The following KATNB1 variants were observed in gnomAD, a reference collection of about 807,000 sequenced individuals.
KATNB1 encodes the protein katanin regulatory subunit B1.
In KATNB1, 38 loss-of-function variants were observed where a neutral mutation model predicts 82.3. That is an observed-to-expected ratio of 0.46 (90% CI 0.36 to 0.61). The LOEUF (loss-of-function observed/expected upper bound fraction) is 0.61. KATNB1 is among the 20% of genes least tolerant of loss of function. KATNB1 has a pLI of 0.00. For missense variants in KATNB1, 749 were observed against 915.7 expected, an observed-to-expected ratio of 0.82 and a Z score of 2.35; for synonymous variants, 361 against 368.7, an observed-to-expected ratio of 0.98 and a Z score of 0.24.
chr16:57,743,377 G>A (rs1555580298), intron 3 of KATNB1, among the ~76,000 whole-genome samples: 2 of 152,200 alleles, frequency 1.3e-5, no homozygotes, highest in Admixed American at 1.3e-4. Flanking sequence ...GATCCAGGGG[G>A]AGAACTGAGA....
At chr16:57,753,879 C>G in intron 12 of KATNB1, 66 bp from the exon 13 acceptor site, 1 of 1,508,074 alleles carries the variant, frequency 6.6e-7, no homozygotes. Flanking sequence ...GCACTCTGGA[C>G]AGGGCCCTGG....
At chr16:57,748,471 A>G (rs115288037) in intron 4 of KATNB1, among the ~76,000 whole-genome samples, 1 of 141,026 alleles carries the variant, frequency 7.1e-6, no homozygotes, top group African/African-American at 2.7e-5. Context: ...ATTTTTTTAA[A>G]AAAAAAAAAA....
At position 57,754,932 on chromosome 16, in the gene KATNB1, G is replaced by A. The variant is rs782208957; in HGVS notation, c.1231G>A (p.Ala411Thr). 78 of 1,613,834 alleles carry A rather than the reference G, an allele frequency of 4.8e-5. No individual in the cohort carries two copies. The highest frequency in any genetic ancestry group is 6.6e-5 in the South Asian group (6 of 91,090). Reference protein sequence around the residue: ...EPFPAPPEDDAATAKEAAKPS... With the variant: ...EPFPAPPEDDTATAKEAAKPS... ...TCATCTTTTCCTTTTGCCTCCAGAC[G>A]CAGCCACAGCAAAGGAGGCAGCAAA... The change falls in exon 14 of 20, where the codon GCA becomes ACA. Residue 411 changes from alanine (A) to threonine (T), a missense_variant and splice_region_variant. Ala to Thr is a moderately conservative substitution (Grantham distance 58). This residue lies in a region of KATNB1 where 407 missense variants were observed against 434.7 expected (regional missense o/e 0.94). Transcript: ENST00000379661.
At position 57,742,720 on chromosome 16, in the gene KATNB1, C is replaced by A. The variant is rs139465865; in HGVS notation, c.171+903C>A. On this transcript the variant is annotated intron_variant, in intron 3 of 19. Coordinates refer to ENST00000379661, the MANE Select transcript of KATNB1 (RefSeq NM_005886.3). ...AATTAGCTTAGCCACACCCTGTTAT[C>A]AGCAGAGAGGTTGTTTCCGGCTTTT... Among the ~76,000 whole-genome samples the A allele has an allele frequency of 7.2e-5, 11 of 152,352 alleles. No homozygotes were observed. In the East Asian group the frequency reaches 2.1e-3, roughly 29 times the overall value.
chr16:57,753,098 A>G lies in KATNB1; in HGVS notation c.877A>G (p.Ser293Gly). ...DQLIGVAFSQ[S>G]NVSSYVVDLT... ...GCAGATAGGTGTGGCCTTCTCCCAGAGCAACGTCTCCTCCTACGTGGTGGA... is the reference window on the plus strand; with the variant it reads ...GCAGATAGGTGTGGCCTTCTCCCAGGGCAACGTCTCCTCCTACGTGGTGGA... The change falls in exon 11 of 20, where the codon AGC becomes GGC. Residue 293 changes from serine (S) to glycine (G), a missense_variant. Ser to Gly is a moderately conservative substitution (Grantham distance 56). This residue lies in a region of KATNB1 where 407 missense variants were observed against 434.7 expected (regional missense o/e 0.94). Coordinates refer to ENST00000379661, the MANE Select transcript of KATNB1 (RefSeq NM_005886.3). 6.2e-7 allele frequency: 1 copy of G among 1,605,506 alleles called. No individual in the cohort carries two copies. Among genetic ancestry groups the G allele is most frequent in the Non-Finnish European group, 8.5e-7 (1 of 1,175,724 alleles).
At chr16:57,741,242 G>A (rs983355443) in intron 2 of KATNB1, among the ~76,000 whole-genome samples, 2 of 152,166 alleles carry the variant, frequency 1.3e-5, no homozygotes, top group African/African-American at 4.8e-5. Flanking sequence ...AGGTGTGTAG[G>A]CAGTGCATGG....
intron 4 of KATNB1, among the ~76,000 whole-genome samples, chr16:57,745,195 CCA>C (rs2049174160): frequency 6.6e-6 from 1 of 152,182 alleles, no homozygotes; most frequent in African/African-American, 2.4e-5. Flanking sequence ...CATGGTCATA[CCA>C]CAGTTTCTTT....
intron 12 of KATNB1, 117 bp from the exon 13 acceptor site, chr16:57,753,828 C>G: frequency 2.1e-6 from 2 of 947,802 alleles, no homozygotes; most frequent in East Asian, 5.1e-5. Flanking sequence ...GCAGGGTCCA[C>G]AGTCTGCAGC....
chr16:57,740,125 C>T (rs541507292), intron 2 of KATNB1, among the ~76,000 whole-genome samples: 55 of 152,272 alleles, frequency 3.6e-4, no homozygotes, highest in African/African-American at 1.3e-3. Flanking sequence ...GTTTCTGTCC[C>T]GACAGTGTCC....
Position 57,751,261 on chromosome 16 carries a change from C to T in KATNB1, c.391C>T (p.Leu131Phe). The T allele has an allele frequency of 6.2e-7, 1 of 1,613,912 alleles. No individual in the cohort carries two copies. The highest frequency in any genetic ancestry group is 8.5e-7 in the Non-Finnish European group (1 of 1,179,836). The change falls in exon 6 of 20, where the codon CTC (leucine) becomes TTC (phenylalanine). Residue 131 changes from leucine (L) to phenylalanine (F), a missense_variant and splice_region_variant. Leu to Phe is a conservative substitution (Grantham distance 22). Around this residue, in one of 3 missense-constraint regions of KATNB1, gnomAD observed 247 missense variants for 349.4 expected, o/e 0.71. Transcript: ENST00000379661. The surrounding 1 kb of genome is among the most constrained non-coding windows in gnomAD (Gnocchi z 6.3). ...ASGSQDTNIK[L>F]WDIRRKGCVF... is the part of the protein sequence containing the mutation. ...CCCTCTGCTTCTCTCTCCCCCACAG[C>T]TCTGGGACATCAGGAGGAAAGGCTG...
chr16:57,745,870 GCTC>G (rs1386228163), intron 4 of KATNB1, among the ~76,000 whole-genome samples: 2 of 151,668 alleles, frequency 1.3e-5, no homozygotes, highest in Non-Finnish European at 2.9e-5. Flanking sequence ...GAAGAGTAAA[GCTC>G]CTCCTGTTTC....
At chr16:57,742,157 C>T (rs1445533064) in intron 3 of KATNB1, among the ~76,000 whole-genome samples, 3 of 152,242 alleles carry the variant, frequency 2.0e-5, no homozygotes, top group Admixed American at 6.5e-5. Flanking sequence ...AGCCAAAAGA[C>T]TTGTACCCCT....
At chr16:57,748,053 G>T (rs1426750414) in intron 4 of KATNB1, among the ~76,000 whole-genome samples, 1 of 152,174 alleles carries the variant, frequency 6.6e-6, no homozygotes, top group Non-Finnish European at 1.5e-5. Flanking sequence ...AGGTGATTCC[G>T]ATGGACAGCC....
Position 57,744,426 on chromosome 16 carries a change from C to T in KATNB1, c.204C>T (p.Ser68=), listed in dbSNP as rs904394423. Residue 68 remains serine (S), a synonymous_variant, in exon 4 of 20, where the codon AGC becomes AGT. Coordinates refer to ENST00000379661, the MANE Select transcript of KATNB1 (RefSeq NM_005886.3). ...SLTGHTSPVE[S]VRLNTPEELI... is the part of the protein sequence containing the mutation. The stretch of plus-strand genomic sequence containing the variant: ...CGGGCCACACATCCCCAGTGGAGAG[C>T]GTCCGCCTCAACACCCCCGAGGAGC... 6 of 1,613,678 alleles carry T rather than the reference C, an allele frequency of 3.7e-6. No homozygotes were observed. Among genetic ancestry groups the T allele is most frequent in the African/African-American group, 1.3e-5 (1 of 74,934 alleles).
chr16:57,756,932 G>T lies in KATNB1; in HGVS notation c.1954G>T (p.Ala652Ser). Residue 652 changes from alanine (A) to serine (S), a missense_variant, in exon 20 of 20, where the codon GCC becomes TCC. By Grantham distance (99) the Ala-to-Ser change is moderately conservative. Around this residue, in one of 3 missense-constraint regions of KATNB1, gnomAD observed 95 missense variants for 131.6 expected, o/e 0.72. Coordinates refer to ENST00000379661, the MANE Select transcript of KATNB1 (RefSeq NM_005886.3). ...CTTCCGCGAGCTGCACCTGCTCATG[G>T]CCAGTCTGGACTGAGGAAAGCAGTG... ...STFRELHLLM[A>S]SLD 6.5e-7 allele frequency: 1 copy of T among 1,545,862 alleles called. No homozygotes were observed. The highest frequency in any genetic ancestry group is 8.7e-7 in the Non-Finnish European group (1 of 1,143,968).
At chr16:57,753,918 A>G (rs782514989) in intron 12 of KATNB1, 27 bp from the exon 13 acceptor site, 4 of 1,612,510 alleles carry the variant, frequency 2.5e-6, no homozygotes, top group Non-Finnish European at 3.4e-6. Context: ...AGGAGCGCTC[A>G]CAGCCAGGGG....
intron 2 of KATNB1, among the ~76,000 whole-genome samples, chr16:57,740,689 C>G (rs1490146169): frequency 6.6e-6 from 1 of 152,214 alleles, no homozygotes; most frequent in Non-Finnish European, 1.5e-5. Context: ...CTGTGCTTTG[C>G]TCCCTGCGGA....
intron 18 of KATNB1, 118 bp from the exon 19 acceptor site, chr16:57,756,238 G>C: frequency 1.8e-6 from 2 of 1,103,058 alleles, no homozygotes; most frequent in Non-Finnish European, 1.4e-6. Flanking sequence ...GCGTGTGTGG[G>C]TGTATGTGTG....
Position 57,751,237 on chromosome 16 carries a change from C to T in KATNB1, c.391-24C>T, listed in dbSNP as rs368930125. On this transcript the variant is annotated intron_variant, in intron 5 of 19. Transcript: ENST00000379661. This position sits in a 1 kb window ranked among gnomAD's most constrained non-coding sequence, Gnocchi z 6.3. ...GGCTCTGACCTCTCCTGACTCTGCC[C>T]CTCTGCTTCTCTCTCCCCCACAGCT... The T allele has an allele frequency of 1.9e-6, 3 of 1,612,868 alleles. No individual in the cohort carries two copies. The highest frequency in any genetic ancestry group is 2.5e-6 in the Non-Finnish European group (3 of 1,179,026).
Sources: gnomAD v4.1 joint callset for allele counts (sites outside exome capture counted in the v4.1 genomes callset) on GRCh38, gnomAD v4.1.1 for gene constraint, gnomAD v4.1.1 regional missense constraint, Gnocchi (gnomAD v3.1) non-coding constraint, MANE v1.5 for transcripts, NCBI Gene and HGNC (gene_info 2026-07-23, HGNC 2026-07-21) for gene names.